Variants in MDGA2 observed in about 807,000 individuals in gnomAD.
MDGA2 encodes MAM domain-containing glycosylphosphatidylinositol anchor protein 2.
MDGA2 carries 40 observed loss-of-function variants against 117.8 expected under a neutral mutation model. That is an observed-to-expected ratio of 0.34 (90% CI 0.26 to 0.44). The LOEUF (loss-of-function observed/expected upper bound fraction) is 0.44. Among genes scored for constraint, MDGA2 ranks in the 20% least tolerant of loss-of-function variants. The pLI, the probability that MDGA2 is intolerant of heterozygous loss-of-function variation, is 1.00. For synonymous variants in MDGA2, 452 were observed against 439.0 expected, an observed-to-expected ratio of 1.03 and a Z score of -0.37; for missense variants, 1,123 against 1,250.6, an observed-to-expected ratio of 0.90 and a Z score of 1.54.
At chr14:47,457,334 A>G (rs1383878064) in intron 1 of MDGA2, among the ~76,000 whole-genome samples, 1 of 152,214 alleles carries the variant, frequency 6.6e-6, no homozygotes. Flanking sequence ...GCTTGAGAGC[A>G]TGCATTTTAA....
intron 1 of MDGA2, among the ~76,000 whole-genome samples, chr14:47,483,409 T>C (rs1231295002): frequency 1.3e-5 from 2 of 151,550 alleles, no homozygotes; most frequent in Admixed American, 1.3e-4. Flanking sequence ...TCATGATCAC[T>C]AGACTTGCCT....
chr14:46,974,669 T>G (rs1886389937), intron 8 of MDGA2, among the ~76,000 whole-genome samples: 3 of 152,106 alleles, frequency 2.0e-5, no homozygotes, highest in East Asian at 1.9e-4. Context: ...AACTGGATAT[T>G]CACATGCAAA....
At chr14:47,112,216 T>G (rs570115166) in intron 5 of MDGA2, among the ~76,000 whole-genome samples, 1 of 151,966 alleles carries the variant, frequency 6.6e-6, no homozygotes, top group African/African-American at 2.4e-5. Context: ...AATGAGAAAA[T>G]TTTTTGCTTA....
intron 1 of MDGA2, among the ~76,000 whole-genome samples, chr14:47,396,179 AT>A (rs954544158): frequency 6.6e-6 from 1 of 152,100 alleles, no homozygotes; most frequent in African/African-American, 2.4e-5. Flanking sequence ...AAGCTGAGGA[AT>A]TTTATTTTTT....
intron 10 of MDGA2, among the ~76,000 whole-genome samples, chr14:46,917,749 T>C (rs185651614): frequency 6.6e-5 from 10 of 152,156 alleles, no homozygotes; most frequent in Admixed American, 5.2e-4. Context: ...TGATAAAAAA[T>C]ATAAAAAATT....
intron 2 of MDGA2, among the ~76,000 whole-genome samples, chr14:47,251,620 T>C (rs1887450014): frequency 6.6e-6 from 1 of 152,140 alleles, no homozygotes; most frequent in Admixed American, 6.5e-5. Flanking sequence ...AAAGTACAGC[T>C]ACCACAAATA....
chr14:47,348,362 A>T (rs189713652), intron 1 of MDGA2, among the ~76,000 whole-genome samples: 1 of 151,786 alleles, frequency 6.6e-6, no homozygotes, highest in East Asian at 2.0e-4. Context: ...CAGGCGTGTG[A>T]CACCACGCCC....
intron 2 of MDGA2, among the ~76,000 whole-genome samples, chr14:47,236,222 C>T (rs1305340632): frequency 7.5e-6 from 1 of 133,550 alleles, no homozygotes; most frequent in Non-Finnish European, 1.5e-5. Context: ...ACCCAGGAGG[C>T]GGAGCTTGCA....
At chr14:46,962,194 T>C (rs1885839129) in intron 8 of MDGA2, among the ~76,000 whole-genome samples, 1 of 152,086 alleles carries the variant, frequency 6.6e-6, no homozygotes, top group Admixed American at 6.6e-5. Context: ...TTGAGGCTGA[T>C]TTGAATTATC....
intron 8 of MDGA2, among the ~76,000 whole-genome samples, chr14:46,984,052 C>T (rs75440874): frequency 0.039 from 5,858 of 151,810 alleles, 374 homozygotes; most frequent in African/African-American, 0.13. Flanking sequence ...AATAAAGATA[C>T]GTCAAATATT....
intron 8 of MDGA2, among the ~76,000 whole-genome samples, chr14:46,961,738 G>A (rs748460674): frequency 2.0e-5 from 3 of 151,776 alleles, no homozygotes; most frequent in Non-Finnish European, 4.4e-5. Context: ...CACCTCTCAG[G>A]TTCACGCCAT....
At chr14:46,938,721 A>G (rs982058096) in intron 9 of MDGA2, among the ~76,000 whole-genome samples, 2 of 152,016 alleles carry the variant, frequency 1.3e-5, no homozygotes, top group Non-Finnish European at 2.9e-5. Context: ...TCAAAAAACT[A>G]CAAATGAAAG....
At chr14:47,267,034 A>G (rs1229303349) in intron 2 of MDGA2, among the ~76,000 whole-genome samples, 1 of 152,154 alleles carries the variant, frequency 6.6e-6, no homozygotes, top group African/African-American at 2.4e-5. Context: ...ATGGTAATCA[A>G]TAAACATTTG....
intron 1 of MDGA2, among the ~76,000 whole-genome samples, chr14:47,635,840 A>G (rs1897312176): frequency 1.4e-5 from 2 of 144,692 alleles, no homozygotes; most frequent in Non-Finnish European, 3.1e-5. Context: ...GTGTAGGTTT[A>G]ATACAAGCAG....
chr14:47,137,062 C>T (rs1594659064), intron 4 of MDGA2, among the ~76,000 whole-genome samples: 1 of 152,118 alleles, frequency 6.6e-6, no homozygotes, highest in Non-Finnish European at 1.5e-5. Flanking sequence ...AGGATGCATC[C>T]TTAAAATATT....
At chr14:47,327,572 C>T (rs1038059676) in intron 1 of MDGA2, among the ~76,000 whole-genome samples, 1 of 152,148 alleles carries the variant, frequency 6.6e-6, no homozygotes, top group Non-Finnish European at 1.5e-5. Flanking sequence ...GATTATTGCA[C>T]TCGTCTTCCA....
At chr14:47,471,461 C>T (rs574091603) in intron 1 of MDGA2, among the ~76,000 whole-genome samples, 2 of 152,188 alleles carry the variant, frequency 1.3e-5, no homozygotes, top group East Asian at 3.9e-4. Context: ...ATGAACCAAT[C>T]TAAGAAATAC....
chr14:47,348,139 GTCTCTC>G (rs112844787), intron 1 of MDGA2, among the ~76,000 whole-genome samples: 1,552 of 144,616 alleles, frequency 0.011, 8 homozygotes, highest in Non-Finnish European at 0.017. Context: ...ATTGTGCTCT[GTCTCTC>G]TCTCTCTCTC....
chr14:46,914,155 T>C (rs573017245), intron 10 of MDGA2, among the ~76,000 whole-genome samples: 1 of 152,270 alleles, frequency 6.6e-6, no homozygotes, highest in Admixed American at 6.5e-5. Flanking sequence ...TTGGTATATT[T>C]AGATAACTTA....
Sources: allele counts gnomAD v4.1 joint callset (sites outside exome capture counted in the v4.1 genomes callset), GRCh38; gene constraint gnomAD v4.1.1; transcripts MANE v1.5; gene names NCBI Gene and HGNC (gene_info 2026-07-23, HGNC 2026-07-21).